GSG1L: variants seen among roughly 807,000 people sequenced by gnomAD.
GSG1L encodes GSG1 like.
GSG1L carries 24 observed loss-of-function variants against 42.1 expected under a neutral mutation model. The observed-to-expected ratio is 0.57, with a 90% CI of 0.41 to 0.80. The LOEUF is 0.80. Among genes scored for constraint, GSG1L ranks in the 30% least tolerant of loss-of-function variants. The pLI is 0.00. For synonymous variants in GSG1L, 215 were observed against 203.5 expected (o/e 1.06, Z -0.48); for missense variants, 445 against 472.2 (o/e 0.94, Z 0.53).
intron 1 of GSG1L, among the ~76,000 whole-genome samples, chr16:28,001,368 C>T (rs1285616980): frequency 6.6e-6 from 1 of 152,212 alleles, no homozygotes; most frequent in Non-Finnish European, 1.5e-5. Flanking sequence ...CGTGTGCCCA[C>T]GTGGAAGTGT....
chr16:27,844,841 T>TTTC, intron 4 of GSG1L, 109 bp downstream of exon 4: 2 of 172,622 alleles, frequency 1.2e-5, no homozygotes, highest in Non-Finnish European at 2.5e-5. Context: ...ACTCTCCCCA[T>TTTC]TTCTCCTCCC....
chr16:28,045,769 G>C (rs538973953), intron 1 of GSG1L, among the ~76,000 whole-genome samples: 1 of 152,048 alleles, frequency 6.6e-6, no homozygotes, highest in Non-Finnish European at 1.5e-5. Flanking sequence ...GTTGAGGCAG[G>C]TGGATTGCCT....
At chr16:27,876,163 A>G (rs978702337) in intron 3 of GSG1L, among the ~76,000 whole-genome samples, 4 of 152,222 alleles carry the variant, frequency 2.6e-5, no homozygotes, top group African/African-American at 9.6e-5. Flanking sequence ...CTAAGCTATG[A>G]GCAAGAAACC....
Position 27,817,726 on chromosome 16 carries a change from G to T in GSG1L, c.831-10172C>A, listed in dbSNP as rs74013546. On this transcript the variant is annotated intron_variant, in intron 5 of 6. Coordinates refer to ENST00000447459, the MANE Select transcript of GSG1L (RefSeq NM_001109763.2). ...AAAATGAAAATGAAATGAAAAAAAT[G>T]CATAGAAAAGGCAAGCATGAGTGTC... Among the ~76,000 whole-genome samples, 565 of 152,320 alleles carry T rather than the reference G, an allele frequency of 3.7e-3. 5 individuals carry two copies. Among genetic ancestry groups the T allele is most frequent in the African/African-American group, 0.013 (523 of 41,568 alleles).
At chr16:28,010,978 A>T (rs1372386967) in intron 1 of GSG1L, among the ~76,000 whole-genome samples, 1 of 152,116 alleles carries the variant, frequency 6.6e-6, no homozygotes, top group Non-Finnish European at 1.5e-5. Flanking sequence ...GGTAGAGCTG[A>T]GGAGGGGCTC....
chr16:27,845,479 T>A (rs998517538), intron 3 of GSG1L, among the ~76,000 whole-genome samples: 1 of 152,166 alleles, frequency 6.6e-6, no homozygotes, highest in African/African-American at 2.4e-5. Flanking sequence ...CAAACAATCC[T>A]CCCACATCAG....
chr16:27,800,745 G>A lies in GSG1L; in HGVS notation c.898+6742C>T, dbSNP rs567209975. ...ATAAAAGTGGCTTCTCAGATGGGAG[G>A]TGGTGGGAGAAACGTGGAGGTTGAC... On this transcript the variant is annotated intron_variant, in intron 6 of 6. Coordinates refer to ENST00000447459, the MANE Select transcript of GSG1L (RefSeq NM_001109763.2). 3.3e-5 allele frequency among the ~76,000 whole-genome samples: 5 copies of A among 152,296 alleles called. No homozygotes were observed. In the South Asian group the frequency reaches 1.0e-3, roughly 32 times the overall value.
chr16:27,903,032 G>A (rs2084279742), intron 2 of GSG1L, among the ~76,000 whole-genome samples: 1 of 152,104 alleles, frequency 6.6e-6, no homozygotes, highest in Non-Finnish European at 1.5e-5. Flanking sequence ...ACCAGAGGCT[G>A]CAGGGATCCA....
In GSG1L at chr16:27,789,115, T is replaced by C. The variant is rs959053090; in HGVS notation, c.*2255A>G. ...TGATACAAGGAAGGATGACAAGCAA[T>C]CAATAGAAGATGGATAGATGGATGG... is the stretch of plus-strand genomic sequence containing the variant. On this transcript the variant is annotated 3_prime_UTR_variant, in exon 7 of 7. Coordinates refer to ENST00000447459, the MANE Select transcript of GSG1L (RefSeq NM_001109763.2). The C allele has an allele frequency of 3.3e-5, 5 of 152,090 alleles. No individual in the cohort carries two copies. The highest frequency in any genetic ancestry group is 4.8e-5 in the African/African-American group (2 of 41,402). 9.4% of individuals were successfully genotyped at this position (152,090 alleles called of 1,614,324 possible). A position where few individuals can be genotyped will look rare whatever the true frequency, so the allele number is the denominator to read the frequency against.
At chr16:27,801,598 C>T (rs535433696) in intron 6 of GSG1L, among the ~76,000 whole-genome samples, 2 of 152,186 alleles carry the variant, frequency 1.3e-5, no homozygotes, top group African/African-American at 4.8e-5. Flanking sequence ...AATTCTGAGA[C>T]GGCATCATTT....
intron 2 of GSG1L, among the ~76,000 whole-genome samples, chr16:27,957,372 A>G (rs1255908473): frequency 6.6e-6 from 1 of 152,182 alleles, no homozygotes; most frequent in Admixed American, 6.5e-5. Flanking sequence ...AAAGTTCATA[A>G]CATGGAGGCA....
chr16:27,880,054 C>G (rs1040508261), intron 3 of GSG1L, among the ~76,000 whole-genome samples: 4 of 152,138 alleles, frequency 2.6e-5, no homozygotes, highest in Non-Finnish European at 5.9e-5. Flanking sequence ...CCAGATAGAC[C>G]TGGCTGCTGG....
At chr16:27,846,719 C>T (rs916966443) in intron 3 of GSG1L, among the ~76,000 whole-genome samples, 3 of 152,072 alleles carry the variant, frequency 2.0e-5, no homozygotes, top group African/African-American at 7.2e-5. Context: ...TTTTGGGAGG[C>T]CGAGGCATGC....
intron 5 of GSG1L, among the ~76,000 whole-genome samples, chr16:27,820,369 G>A (rs968424669): frequency 1.3e-5 from 2 of 152,072 alleles, no homozygotes; most frequent in Non-Finnish European, 2.9e-5. Flanking sequence ...TGTGGGAGCC[G>A]AAGAGAGAGC....
chr16:27,965,521 G>A lies in GSG1L; in HGVS notation c.350-2318C>T, dbSNP rs920882948. ...CTTACAAATAGAAGAAGCTCACTCCGGACTCTGCTTACACACACATTAATG... is the reference window on the plus strand; with the variant it reads ...CTTACAAATAGAAGAAGCTCACTCCAGACTCTGCTTACACACACATTAATG... On this transcript the variant is annotated intron_variant, in intron 1 of 6. Coordinates refer to ENST00000447459, the MANE Select transcript of GSG1L (RefSeq NM_001109763.2). Among the ~76,000 whole-genome samples, 8 of 151,976 alleles carry A rather than the reference G, an allele frequency of 5.3e-5. No individual in the cohort carries two copies. The South Asian group carries it at 6.2e-4, about 12-fold the overall frequency.
intron 2 of GSG1L, among the ~76,000 whole-genome samples, chr16:27,923,482 C>T (rs566991369): frequency 3.3e-5 from 5 of 152,330 alleles, no homozygotes; most frequent in East Asian, 1.9e-4. Flanking sequence ...AAGTGGTTCA[C>T]ACCTATAATC....
At chr16:27,865,566 T>TACACAC (rs1371145277) in intron 3 of GSG1L, among the ~76,000 whole-genome samples, 8 of 19,158 alleles carry the variant, frequency 4.2e-4, no homozygotes, top group African/African-American at 3.1e-3. Context: ...TATATATATA[T>TACACAC]ATATATACAC....
At chr16:27,946,413 C>T (rs746862835) in intron 2 of GSG1L, among the ~76,000 whole-genome samples, 2 of 151,402 alleles carry the variant, frequency 1.3e-5, no homozygotes, top group African/African-American at 2.4e-5. Flanking sequence ...GGTGTGGTGG[C>T]GGGCACCTGT....
At chr16:27,872,775 T>C (rs1239051791) in intron 3 of GSG1L, among the ~76,000 whole-genome samples, 1 of 152,054 alleles carries the variant, frequency 6.6e-6, no homozygotes, top group Non-Finnish European at 1.5e-5. Context: ...CCATGAGAGG[T>C]TACAGATGCC....
Sources: allele counts gnomAD v4.1 joint callset (sites outside exome capture counted in the v4.1 genomes callset), GRCh38; gene constraint gnomAD v4.1.1; transcripts MANE v1.5; gene names NCBI Gene and HGNC (gene_info 2026-07-23, HGNC 2026-07-21).